TRHDE: variants seen among roughly 807,000 people sequenced by gnomAD.
The protein encoded by TRHDE is thyrotropin releasing hormone degrading enzyme, also known as thyrotropin-releasing hormone-degrading ectoenzyme.
Under a neutral mutation model 125.7 loss-of-function variants are expected in TRHDE, and 72 were observed. The ratio of observed to expected loss-of-function variants is 0.57; its 90% CI spans 0.47 to 0.70. The LOEUF is 0.70. Ranked by LOEUF, TRHDE falls within the 30% of genes least tolerant of loss-of-function variation. The probability of loss-of-function intolerance (pLI) is 0.00; values close to 1 mark genes in which losing one functional copy is unlikely to be tolerated. For synonymous variants in TRHDE, 509 were observed against 509.1 expected (o/e 1.00, Z 0.00); for missense variants, 1,110 against 1,327.1 (o/e 0.84, Z 2.54).
intron 2 of TRHDE, among the ~76,000 whole-genome samples, chr12:72,327,420 C>T (rs1403042997): frequency 1.3e-5 from 2 of 152,134 alleles, no homozygotes; most frequent in East Asian, 3.9e-4. Context: ...TAAGACTTCT[C>T]CTGGTTAAAG....
At chr12:72,653,248 C>A in intron 17 of TRHDE, 92 bp downstream of exon 17, 1 of 1,033,950 alleles carries the variant, frequency 9.7e-7, no homozygotes, top group Non-Finnish European at 1.4e-6. Context: ...AAGATCCATG[C>A]AATAGGTTTA....
At chr12:72,388,016 C>A (rs1872497227) in intron 3 of TRHDE, among the ~76,000 whole-genome samples, 1 of 152,038 alleles carries the variant, frequency 6.6e-6, no homozygotes, top group South Asian at 2.1e-4. Flanking sequence ...TGCATGCTTG[C>A]CCCTACCCTT....
intron 15 of TRHDE, among the ~76,000 whole-genome samples, chr12:72,642,312 T>A (rs1874098501): frequency 6.6e-6 from 1 of 152,216 alleles, no homozygotes; most frequent in African/African-American, 2.4e-5. Flanking sequence ...TCTAAAGCAT[T>A]TGCTTTGAGT....
At chr12:72,444,478 C>T (rs1875177564) in intron 3 of TRHDE, among the ~76,000 whole-genome samples, 2 of 151,540 alleles carry the variant, frequency 1.3e-5, no homozygotes. Flanking sequence ...CAGTTGATAG[C>T]AGAGTAAAGT....
intron 2 of TRHDE, among the ~76,000 whole-genome samples, chr12:72,187,506 T>TGGTGGTGGTGGTGGTGGA: frequency 7.6e-6 from 1 of 132,368 alleles, no homozygotes; most frequent in East Asian, 2.5e-4. Flanking sequence ...GTGGTGGTGG[T>TGGTGGTGGTGGTGGTGGA]GGAGGAGGAG....
chr12:72,127,427 A>C (rs968457680), intron 2 of TRHDE, among the ~76,000 whole-genome samples: 2 of 152,220 alleles, frequency 1.3e-5, no homozygotes, highest in Non-Finnish European at 2.9e-5. Flanking sequence ...CAAAGACATA[A>C]AATCAACCTA....
chr12:72,634,100 G>A (rs1416580065), intron 15 of TRHDE, among the ~76,000 whole-genome samples: 1 of 152,092 alleles, frequency 6.6e-6, no homozygotes, highest in African/African-American at 2.4e-5. Flanking sequence ...GCACTGGACA[G>A]ACATCTCATT....
chr12:72,546,683 G>A (rs190604708), intron 7 of TRHDE, among the ~76,000 whole-genome samples: 16 of 151,594 alleles, frequency 1.1e-4, no homozygotes, highest in Non-Finnish European at 2.1e-4. Flanking sequence ...AAGCAGAAAG[G>A]GAATTAACAT....
chr12:72,388,115 G>T (rs1872503201), intron 3 of TRHDE, among the ~76,000 whole-genome samples: 1 of 151,644 alleles, frequency 6.6e-6, no homozygotes, highest in African/African-American at 2.4e-5. Flanking sequence ...TCTCCAACAG[G>T]CCAAACCCAT....
chr12:72,092,490 G>A (rs1007807647), intron 1 of TRHDE, among the ~76,000 whole-genome samples: 2 of 152,134 alleles, frequency 1.3e-5, no homozygotes, highest in Non-Finnish European at 2.9e-5. Context: ...CTTGTCTCTG[G>A]GACCTGCTTC....
intron 15 of TRHDE, among the ~76,000 whole-genome samples, chr12:72,631,018 A>C (rs1873473944): frequency 6.6e-6 from 1 of 150,804 alleles, no homozygotes; most frequent in Non-Finnish European, 1.5e-5. Context: ...AGAAAAAAAT[A>C]AAGTGACTTA....
At chr12:72,516,226 A>G (rs957785320) in intron 6 of TRHDE, among the ~76,000 whole-genome samples, 1 of 151,560 alleles carries the variant, frequency 6.6e-6, no homozygotes, top group African/African-American at 2.4e-5. Context: ...TCTGTAAATT[A>G]CCTTGGGCAG....
chr12:72,201,785 T>C (rs1394765829), intron 2 of TRHDE, among the ~76,000 whole-genome samples: 1 of 152,196 alleles, frequency 6.6e-6, no homozygotes, highest in Non-Finnish European at 1.5e-5. Context: ...TGCTCTGGTG[T>C]TGCCACATCT....
chr12:72,647,683 C>T (rs1195033099), intron 15 of TRHDE, among the ~76,000 whole-genome samples: 1 of 151,994 alleles, frequency 6.6e-6, no homozygotes, highest in Non-Finnish European at 1.5e-5. Flanking sequence ...GAAAAATGGA[C>T]ACGCTTCTAC....
intron 3 of TRHDE, among the ~76,000 whole-genome samples, chr12:72,446,512 T>G (rs1875294462): frequency 2.0e-5 from 3 of 151,980 alleles, no homozygotes; most frequent in Non-Finnish European, 4.4e-5. Context: ...ATAACAATAT[T>G]AACCTTACAT....
At chr12:72,552,941 T>G (rs999441312) in intron 7 of TRHDE, among the ~76,000 whole-genome samples, 1 of 152,156 alleles carries the variant, frequency 6.6e-6, no homozygotes, top group African/African-American at 2.4e-5. Context: ...CCTTGCTCAT[T>G]GAGAAGGTGA....
chr12:72,212,433 A>T (rs1392351692), intron 2 of TRHDE, among the ~76,000 whole-genome samples: 1 of 152,134 alleles, frequency 6.6e-6, no homozygotes, highest in East Asian at 1.9e-4. Context: ...AAAAGAATCC[A>T]CACAATGAAA....
At chr12:72,135,880 A>G (rs372363336) in intron 2 of TRHDE, among the ~76,000 whole-genome samples, 1 of 151,556 alleles carries the variant, frequency 6.6e-6, no homozygotes. Flanking sequence ...TTTTGTGATC[A>G]GTACTGACAT....
chr12:72,157,402 G>A (rs1007663017), intron 2 of TRHDE, among the ~76,000 whole-genome samples: 2 of 152,172 alleles, frequency 1.3e-5, no homozygotes, highest in African/African-American at 4.8e-5. Context: ...GTGTGAAGGA[G>A]CAAATGTTCG....
Sources: allele counts gnomAD v4.1 joint callset (sites outside exome capture counted in the v4.1 genomes callset), GRCh38; gene constraint gnomAD v4.1.1; transcripts MANE v1.5; gene names NCBI Gene and HGNC (gene_info 2026-07-23, HGNC 2026-07-21).